Variants in SCLT1 observed in about 807,000 individuals in gnomAD.
SCLT1 encodes sodium channel-associated protein 1.
In SCLT1, 78 loss-of-function variants were observed where a neutral mutation model predicts 112.8. The observed-to-expected ratio is 0.69, with a 90% CI of 0.58 to 0.83. The LOEUF is 0.83. Ranked by LOEUF, SCLT1 falls within the 40% of genes least tolerant of loss-of-function variation. The pLI, the probability that SCLT1 is intolerant of heterozygous loss-of-function variation, is 0.00. For synonymous variants in SCLT1, 257 were observed against 254.7 expected (o/e 1.01, Z -0.09); for missense variants, 747 against 770.4 (o/e 0.97, Z 0.36).
At chr4:128,896,858 C>A (rs1313496276) in intron 18 of SCLT1, among the ~76,000 whole-genome samples, 1 of 151,878 alleles carries the variant, frequency 6.6e-6, no homozygotes, top group East Asian at 1.9e-4. Flanking sequence ...AGCCAAGGCT[C>A]GAGAACTACC....
intron 6 of SCLT1, among the ~76,000 whole-genome samples, chr4:129,000,994 G>T (rs73847356): frequency 8.6e-5 from 13 of 151,484 alleles, no homozygotes; most frequent in African/African-American, 3.2e-4. Flanking sequence ...TTTTAAAAGC[G>T]GTTTTAAAAT....
chr4:128,880,476 C>T (rs1010634550), downstream of SCLT1, among the ~76,000 whole-genome samples: 2 of 151,956 alleles, frequency 1.3e-5, no homozygotes, highest in Admixed American at 6.6e-5. Context: ...AATGAGGTAA[C>T]AGAATTAGGA....
At chr4:129,038,932 G>A in intron 5 of SCLT1, 109 bp downstream of exon 5, 1 of 719,916 alleles carries the variant, frequency 1.4e-6, no homozygotes, top group Admixed American at 2.4e-5. Context: ...ATCAGCCCCG[G>A]GGTCCACATT....
intron 9 of SCLT1, among the ~76,000 whole-genome samples, chr4:128,985,442 G>A (rs953165643): frequency 6.6e-5 from 10 of 152,112 alleles, no homozygotes; most frequent in African/African-American, 2.4e-4. Flanking sequence ...GTGTGAAGTA[G>A]TATCATGTTT....
chr4:129,072,272 T>A (rs1286008172), intron 2 of SCLT1, among the ~76,000 whole-genome samples: 1 of 152,168 alleles, frequency 6.6e-6, no homozygotes, highest in East Asian at 1.9e-4. Flanking sequence ...GATAACCTGA[T>A]GACAATGTCC....
chr4:128,960,686 C>T (rs1380844237), intron 11 of SCLT1, among the ~76,000 whole-genome samples: 3 of 150,988 alleles, frequency 2.0e-5, no homozygotes, highest in Non-Finnish European at 4.4e-5. Flanking sequence ...TTTGGGAGGC[C>T]GAGGCGGGTG....
In SCLT1 at chr4:128,957,111, TC is replaced by T; in HGVS notation, c.1060del (p.Glu354ArgfsTer8). On this transcript the variant is annotated frameshift_variant, in exon 13 of 21. Coordinates refer to ENST00000281142, the MANE Select transcript of SCLT1 (RefSeq NM_144643.4). LOFTEE classifies it high-confidence loss of function. ...CTCTATGTCTTCTTCTTTTTGCTTC[TC>T]CTCAAGTAGAGCCTTCAGAAAATAA... is the stretch of plus-strand genomic sequence containing the variant. ...NLQKSQALLE[E>X]KQKEEDIEKM... is the part of the protein sequence containing the mutation. The T allele has an allele frequency of 6.3e-7, 1 of 1,585,884 alleles. No individual in the cohort carries two copies. The highest frequency in any genetic ancestry group is 8.6e-7 in the Non-Finnish European group (1 of 1,159,228).
In SCLT1 at chr4:129,015,257, G is replaced by A. The variant is rs73847375; in HGVS notation, c.291-11381C>T. On this transcript the variant is annotated intron_variant, in intron 5 of 20. Coordinates refer to ENST00000281142, the MANE Select transcript of SCLT1 (RefSeq NM_144643.4). ...TGTGGGGAGTTGCCATGGGTCCAGG[G>A]GTGGCTGCAGTGTGTGGAGGGAGTG... Among the ~76,000 whole-genome samples the A allele has an allele frequency of 3.7e-3, 569 of 152,218 alleles. 1 individual carries two copies. Among genetic ancestry groups the A allele is most frequent in the African/African-American group, 0.011 (471 of 41,536 alleles).
At chr4:129,081,133 T>G (rs1266849238) in intron 2 of SCLT1, among the ~76,000 whole-genome samples, 1 of 152,100 alleles carries the variant, frequency 6.6e-6, no homozygotes, top group Non-Finnish European at 1.5e-5. Flanking sequence ...AAGTTAAAGA[T>G]CTTAAGTAGT....
intron 8 of SCLT1, among the ~76,000 whole-genome samples, chr4:128,992,593 C>A (rs149257170): frequency 6.6e-6 from 1 of 151,982 alleles, no homozygotes; most frequent in Non-Finnish European, 1.5e-5. Context: ...ATATAAAAAA[C>A]CCAAACTCCC....
In SCLT1 at chr4:129,008,545, T is replaced by G. The variant is rs114351914; in HGVS notation, c.291-4669A>C. Among the ~76,000 whole-genome samples, 446 of 152,330 alleles carry G rather than the reference T, an allele frequency of 2.9e-3. 1 individual carries two copies. Among genetic ancestry groups the G allele is most frequent in the African/African-American group, 0.01 (430 of 41,584 alleles). ...TACTTTTGAAATTTTTCAGCTATTGTCTCTTCAAATATTATTTCTGTCTTT... is the reference window on the plus strand; with the variant it reads ...TACTTTTGAAATTTTTCAGCTATTGGCTCTTCAAATATTATTTCTGTCTTT... On this transcript the variant is annotated intron_variant, in intron 5 of 20. Coordinates refer to ENST00000281142, the MANE Select transcript of SCLT1 (RefSeq NM_144643.4).
chr4:128,988,044 C>A (rs1742252440), intron 9 of SCLT1, among the ~76,000 whole-genome samples: 3 of 151,612 alleles, frequency 2.0e-5, no homozygotes, highest in South Asian at 2.1e-4. Flanking sequence ...CAACACCGAA[C>A]CTGTCTTACA....
intron 5 of SCLT1, among the ~76,000 whole-genome samples, chr4:129,022,764 G>A (rs962252911): frequency 2.6e-5 from 4 of 152,122 alleles, no homozygotes; most frequent in African/African-American, 9.7e-5. Flanking sequence ...TAGCAAGGCA[G>A]GCCAACATTC....
chr4:129,001,951 C>T (rs1341801163), intron 6 of SCLT1, among the ~76,000 whole-genome samples: 2 of 151,886 alleles, frequency 1.3e-5, no homozygotes, highest in Non-Finnish European at 2.9e-5. Context: ...AAACAGCATG[C>T]TTTCCTCATT....
intron 10 of SCLT1, among the ~76,000 whole-genome samples, 153 bp from the exon 11 acceptor site, chr4:128,965,471 AATCATGTGTAT>A (rs1281822878): frequency 6.6e-6 from 1 of 152,218 alleles, no homozygotes; most frequent in Non-Finnish European, 1.5e-5. Context: ...TTTGGAAACA[AATCATGTGTAT>A]AATAAAAAGG....
chr4:128,991,068 A>G (rs1488256803), intron 9 of SCLT1, among the ~76,000 whole-genome samples: 1 of 151,852 alleles, frequency 6.6e-6, no homozygotes, highest in African/African-American at 2.4e-5. Context: ...TTACAGAAAT[A>G]GAAAAAAAAT....
At chr4:128,969,714 A>G (rs1740520615) in intron 10 of SCLT1, among the ~76,000 whole-genome samples, 1 of 152,194 alleles carries the variant, frequency 6.6e-6, no homozygotes, top group South Asian at 2.1e-4. Flanking sequence ...CCAGACATCC[A>G]AAATTTAACA....
Position 129,070,139 on chromosome 4 carries a change from G to T in SCLT1, c.102+12167C>A, listed in dbSNP as rs535483212. 4.4e-4 allele frequency among the ~76,000 whole-genome samples: 67 copies of T among 152,126 alleles called. 1 individual carries two copies. Among genetic ancestry groups the T allele is most frequent in the Non-Finnish European group, 2.2e-4 (15 of 68,024 alleles). The stretch of plus-strand genomic sequence containing the variant: ...TCATAGTGGATTATCTTCTCGCTAC[G>T]TTGTTGGATACAGTTAGCTAGTATT... On this transcript the variant is annotated intron_variant, in intron 2 of 20. Coordinates refer to ENST00000281142, the MANE Select transcript of SCLT1 (RefSeq NM_144643.4).
intron 9 of SCLT1, among the ~76,000 whole-genome samples, chr4:128,986,027 G>A (rs562728980): frequency 2.0e-5 from 3 of 152,214 alleles, no homozygotes; most frequent in Non-Finnish European, 2.9e-5. Context: ...AAAAAATCAT[G>A]TGAGTGATCA....
Sources: allele counts gnomAD v4.1 joint callset (sites outside exome capture counted in the v4.1 genomes callset), GRCh38; gene constraint gnomAD v4.1.1; transcripts MANE v1.5; gene names NCBI Gene and HGNC (gene_info 2026-07-23, HGNC 2026-07-21).